Variants in MAB21L3 observed in about 807,000 individuals in gnomAD.
The protein encoded by MAB21L3 is mab-21 like 3.
A neutral mutation model predicts 37.7 loss-of-function variants in MAB21L3; 36 were observed. The ratio of observed to expected loss-of-function variants is 0.96; its 90% CI spans 0.73 to 1.26. MAB21L3 has a LOEUF of 1.26. MAB21L3 is among the 50% of genes most tolerant of loss of function. The pLI, the probability that MAB21L3 is intolerant of heterozygous loss-of-function variation, is 0.00. For missense variants in MAB21L3, 430 were observed against 447.3 expected (o/e 0.96, Z 0.35); for synonymous variants, 186 against 176.8 (o/e 1.05, Z -0.41).
chr1:116,127,775 G>T, intron 6 of MAB21L3, 131 bp downstream of exon 6: 1 of 1,017,468 alleles, frequency 9.8e-7, no homozygotes, highest in Non-Finnish European at 1.4e-6. Context: ...CTCAAAGTGT[G>T]GGCCCTGCAG....
Position 116,124,208 on chromosome 1 carries a change from A to G in MAB21L3, c.332A>G (p.Gln111Arg), listed in dbSNP as rs1415008816. Residue 111 changes from glutamine to arginine, a missense_variant, in exon 5 of 8, where the codon CAG (glutamine) becomes CGG (arginine). Physicochemically the swap from Gln to Arg is conservative, Grantham distance 43 (BLOSUM62 1). Coordinates refer to ENST00000369500, the MANE Select transcript of MAB21L3 (RefSeq NM_152367.3). ...CCGTTGCGGGACCCTGAGGGTCTGC[A>G]GCAGTGGCTGGAGGTGGAACAGTTT... ...PCPLRDPEGL[Q>R]QWLEVEQFMK... 1 of 1,614,140 alleles carries G rather than the reference A, an allele frequency of 6.2e-7. No individual in the cohort carries two copies.
At chr1:116,125,676 T>G (rs752067575) in intron 5 of MAB21L3, among the ~76,000 whole-genome samples, 6 of 152,140 alleles carry the variant, frequency 3.9e-5, no homozygotes, top group Non-Finnish European at 8.8e-5. Flanking sequence ...ATGGTAATAG[T>G]TTATGTTTAA....
chr1:116,112,673 G>A lies in MAB21L3; in HGVS notation c.48+10G>A, dbSNP rs1659463520. 4 of 1,613,704 alleles carry A rather than the reference G, an allele frequency of 2.5e-6. No homozygotes were observed. The highest frequency in any genetic ancestry group is 3.3e-4 in the Middle Eastern group (2 of 6,058). ...TTGCCTACTGAATAAGGTAAGGACA[G>A]ACCCGGTCTCTCCCATGAACCCCCT... On this transcript the variant is annotated intron_variant, in intron 3 of 7. Transcript: ENST00000369500.
chr1:116,112,461 A>T lies in MAB21L3; in HGVS notation c.-155A>T. 2 of 560,052 alleles carry T rather than the reference A, an allele frequency of 3.6e-6. No homozygotes were observed. Among genetic ancestry groups the T allele is most frequent in the South Asian group, 6.1e-5 (2 of 32,522 alleles). 34.7% of individuals were successfully genotyped at this position (560,052 alleles called of 1,614,324 possible). A position where few individuals can be genotyped will look rare whatever the true frequency, so the allele number is the denominator to read the frequency against. On this transcript the variant is annotated 5_prime_UTR_variant, in exon 3 of 8. It adds an upstream start codon to the 5' untranslated region. Transcript: ENST00000369500. ...TAAAAACATGAGTGAAGGGTTCGGA[A>T]GGCAAGTCTCTGGTCCATTACACAC...
In MAB21L3 at chr1:116,133,841, A is replaced by T. The variant is rs2101620501; in HGVS notation, c.*476A>T. On this transcript the variant is annotated 3_prime_UTR_variant, in exon 8 of 8. Coordinates refer to ENST00000369500, the MANE Select transcript of MAB21L3 (RefSeq NM_152367.3). ...CTGAGCAGGGCTGTGTGCCTATGAA[A>T]CTGTGCTGGCGCCTTTTCAAGGGGA... 1 of 180,794 alleles carries T rather than the reference A, an allele frequency of 5.5e-6. No individual in the cohort carries two copies. 11.2% of individuals were successfully genotyped at this position (180,794 alleles called of 1,614,324 possible).
intron 3 of MAB21L3, among the ~76,000 whole-genome samples, chr1:116,116,156 G>A (rs115884468): frequency 0.029 from 4,445 of 152,234 alleles, 92 homozygotes; most frequent in Non-Finnish European, 0.037. Flanking sequence ...TCTGTCTAGG[G>A]TGTGGCCAGA....
rs1449917010 is a variant in MAB21L3 at position 116,134,686 on chromosome 1, G to A, written c.*1321G>A. 6.6e-6 allele frequency: 1 copy of A among 152,192 alleles called. No individual in the cohort carries two copies. Among genetic ancestry groups the A allele is most frequent in the Non-Finnish European group, 1.5e-5 (1 of 68,052 alleles). The allele number at this position is 152,192 out of a possible 1,614,324, so 9.4% of individuals were successfully genotyped here. ...TGACTGCATTTTAAACAATTGTTCTGGTAACTGCATGAAGAAGGTCTGGGG... is the reference window on the plus strand; with the variant it reads ...TGACTGCATTTTAAACAATTGTTCTAGTAACTGCATGAAGAAGGTCTGGGG... On this transcript the variant is annotated 3_prime_UTR_variant, in exon 8 of 8. Coordinates refer to ENST00000369500, the MANE Select transcript of MAB21L3 (RefSeq NM_152367.3).
intron 4 of MAB21L3, among the ~76,000 whole-genome samples, chr1:116,123,123 C>T (rs976918483): frequency 6.6e-6 from 1 of 152,196 alleles, no homozygotes; most frequent in Non-Finnish European, 1.5e-5. Flanking sequence ...TGACTCACAG[C>T]CGAAGGCGTG....
At position 116,124,181 on chromosome 1, in the gene MAB21L3, GC is replaced by G; in HGVS notation, c.308del (p.Pro103ArgfsTer18). On this transcript the variant is annotated frameshift_variant, in exon 5 of 8. Coordinates refer to ENST00000369500, the MANE Select transcript of MAB21L3 (RefSeq NM_152367.3). LOFTEE classifies it high-confidence loss of function. ...ACACTGCAGGGCACCAGGCTGCCCT[GC>G]CCGTTGCGGGACCCTGAGGGTCTGC... is the stretch of plus-strand genomic sequence containing the variant. ...YYTLQGTRLP[C>X]PLRDPEGLQQ... is the part of the protein sequence containing the mutation. 6.2e-7 allele frequency: 1 copy of G among 1,614,224 alleles called. No individual in the cohort carries two copies. The highest frequency in any genetic ancestry group is 1.1e-5 in the South Asian group (1 of 91,086).
Position 116,133,261 on chromosome 1 carries a change from G to A in MAB21L3, c.985G>A (p.Val329Ile), listed in dbSNP as rs368748884. ...CCAGCACTTCCTGAAACACTATTTCGTCCGGAACAGCAACCTCTTTCAGTG... is the reference window on the plus strand; with the variant it reads ...CCAGCACTTCCTGAAACACTATTTCATCCGGAACAGCAACCTCTTTCAGTG... Reference protein sequence around the residue: ...VSQHFLKHYFVRNSNLFQCTN... With the variant: ...VSQHFLKHYFIRNSNLFQCTN... Residue 329 changes from valine to isoleucine, a missense_variant, in exon 8 of 8, where the codon GTC becomes ATC. Coordinates refer to ENST00000369500, the MANE Select transcript of MAB21L3 (RefSeq NM_152367.3). 8.9e-5 allele frequency: 143 copies of A among 1,614,020 alleles called. No homozygotes were observed. Among genetic ancestry groups the A allele is most frequent in the Non-Finnish European group, 1.1e-4 (131 of 1,180,044 alleles).
In MAB21L3 at chr1:116,122,894, C is replaced by T. The variant is rs561310555; in HGVS notation, c.190-1172C>T. 3.9e-5 allele frequency among the ~76,000 whole-genome samples: 6 copies of T among 152,326 alleles called. No homozygotes were observed. In the East Asian group the frequency reaches 7.7e-4, roughly 20 times the overall value. On this transcript the variant is annotated intron_variant, in intron 4 of 7. Transcript: ENST00000369500. The stretch of plus-strand genomic sequence containing the variant: ...ATGTACAGATCTGAAATTCCAGGGA[C>T]TTTAGATGTTTTTCCTCTTTTTAAA...
intron 5 of MAB21L3, among the ~76,000 whole-genome samples, chr1:116,125,236 T>C (rs914218518): frequency 1.7e-4 from 26 of 152,178 alleles, no homozygotes; most frequent in Non-Finnish European, 3.1e-4. Context: ...TTATTAGAAG[T>C]GTAAATTGGT....
Position 116,120,946 on chromosome 1 carries a change from CCAG to C in MAB21L3, c.67_69del (p.Gln23del). On this transcript the variant is annotated inframe_deletion, in exon 4 of 8. Coordinates refer to ENST00000369500, the MANE Select transcript of MAB21L3 (RefSeq NM_152367.3). ...CTCACACCCAGGTGGACTTGAGGCG[CCAG>C]CAGATTTCCCAGGCTGTGGAGGAGG... 1 of 1,614,102 alleles carries C rather than the reference CCAG, an allele frequency of 6.2e-7. No individual in the cohort carries two copies. Among genetic ancestry groups the C allele is most frequent in the Non-Finnish European group, 8.5e-7 (1 of 1,179,986 alleles).
At chr1:116,126,348 G>A (rs75272283) in intron 5 of MAB21L3, among the ~76,000 whole-genome samples, 2,730 of 152,286 alleles carry the variant, frequency 0.018, 37 homozygotes, top group Middle Eastern at 0.065. Context: ...TACTAGATGC[G>A]TTAGTTTTCT....
intron 7 of MAB21L3, among the ~76,000 whole-genome samples, chr1:116,129,402 G>T (rs1343615947): frequency 2.0e-5 from 3 of 152,224 alleles, no homozygotes; most frequent in Admixed American, 2.0e-4. Context: ...AGCCTAGCTA[G>T]TGTGGGCTGT....
Position 116,115,617 on chromosome 1 carries a change from A to C in MAB21L3, c.48+2954A>C, listed in dbSNP as rs975988331. ...ATGGGTGTGATCAGGCCTGTGTGAC[A>C]TTCCTGGCATGCTACTTAGCACCAC... On this transcript the variant is annotated intron_variant, in intron 3 of 7. Transcript: ENST00000369500. Among the ~76,000 whole-genome samples the C allele has an allele frequency of 9.9e-5, 15 of 152,228 alleles. 1 individual carries two copies. The highest frequency in any genetic ancestry group is 9.8e-4 in the Admixed American group (15 of 15,288).
intron 5 of MAB21L3, among the ~76,000 whole-genome samples, chr1:116,125,516 C>T (rs1557932113): frequency 6.6e-6 from 1 of 152,194 alleles, no homozygotes; most frequent in Non-Finnish European, 1.5e-5. Flanking sequence ...CCCATGCATA[C>T]ATACAGAGCT....
chr1:116,123,759 C>T (rs1659817067), intron 4 of MAB21L3: 3 of 264,362 alleles, frequency 1.1e-5, no homozygotes, highest in Non-Finnish European at 2.2e-5. Context: ...CATACTCATT[C>T]TTCTTTCTCA....
Position 116,112,940 on chromosome 1 carries a change from T to G in MAB21L3, c.48+277T>G, listed in dbSNP as rs187826554. Among the ~76,000 whole-genome samples the G allele has an allele frequency of 1.6e-4, 25 of 152,262 alleles. No homozygotes were observed. The East Asian group carries it at 2.9e-3, about 18-fold the overall frequency. ...GGAACTCCAGCTCTGCCACTGACAC[T>G]CGTGTGGTTGTGAGTCACTTAACCT... On this transcript the variant is annotated intron_variant, in intron 3 of 7. Coordinates refer to ENST00000369500, the MANE Select transcript of MAB21L3 (RefSeq NM_152367.3).
Sources: allele counts gnomAD v4.1 joint callset (sites outside exome capture counted in the v4.1 genomes callset), GRCh38; gene constraint gnomAD v4.1.1; transcripts MANE v1.5; gene names NCBI Gene and HGNC (gene_info 2026-07-23, HGNC 2026-07-21).